Variants in ITPRID1 observed in about 807,000 individuals in gnomAD.
The protein encoded by ITPRID1 is ITPR interacting domain containing 1.
A neutral mutation model predicts 95.4 loss-of-function variants in ITPRID1; 96 were observed. That is an observed-to-expected ratio of 1.01 (90% CI 0.85 to 1.19). The LOEUF (loss-of-function observed/expected upper bound fraction) is 1.19. ITPRID1 is among the 50% of genes most tolerant of loss of function. The pLI is 0.00. For missense variants in ITPRID1, 1,339 were observed against 1,252.9 expected (o/e 1.07, Z -1.04); for synonymous variants, 510 against 453.6 (o/e 1.12, Z -1.58).
intron 1 of ITPRID1, among the ~76,000 whole-genome samples, chr7:31,534,223 A>G (rs1783689677): frequency 6.6e-6 from 1 of 152,164 alleles, no homozygotes. Flanking sequence ...AAGGTTGAGG[A>G]CTGCTGGTCT....
In ITPRID1 at chr7:31,628,461, C is replaced by CT. The variant is rs371083058; in HGVS notation, c.1229-13706dup. ...CAAGCGTGATTCCTTTTTTTTTTTT[C>CT]TTTTTTTTTCTTTTTTTGAGGAGTC... On this transcript the variant is annotated intron_variant, in intron 10 of 14. Transcript: ENST00000615280. 6.5e-3 allele frequency among the ~76,000 whole-genome samples: 910 copies of CT among 140,482 alleles called. 11 individuals are homozygous for CT. The highest frequency in any genetic ancestry group is 0.023 in the African/African-American group (834 of 36,892). 92.2% of individuals were successfully genotyped at this position (140,482 alleles called of 152,430 possible). A position where few individuals can be genotyped will look rare whatever the true frequency, so the allele number is the denominator to read the frequency against.
intron 10 of ITPRID1, among the ~76,000 whole-genome samples, chr7:31,619,724 C>T (rs546037064): frequency 1.9e-3 from 282 of 152,172 alleles, no homozygotes; most frequent in Non-Finnish European, 3.3e-3. Flanking sequence ...GGTACCAGTT[C>T]CATCTCACTA....
chr7:31,612,908 T>TGCCCCAGTTGGTATCACTGTCTCAG, intron 10 of ITPRID1, among the ~76,000 whole-genome samples: 1 of 152,198 alleles, frequency 6.6e-6, no homozygotes, highest in Admixed American at 6.5e-5. Context: ...TTTATTATTT[T>TGCCCCAGTTGGTATCACTGTCTCAG]GCCCCAGTTG....
At position 31,585,772 on chromosome 7, in the gene ITPRID1, T is replaced by C. The variant is rs185595359; in HGVS notation, c.1228+2581T>C. Among the ~76,000 whole-genome samples, 505 of 151,942 alleles carry C rather than the reference T, an allele frequency of 3.3e-3. 1 individual carries two copies. Among genetic ancestry groups the C allele is most frequent in the African/African-American group, 0.012 (483 of 41,372 alleles). ...ATTGTAAGATTTAGCAGTTCAAAAA[T>C]CAGAAGTTATTCAGAATAAATGTCC... is the stretch of plus-strand genomic sequence containing the variant. On this transcript the variant is annotated intron_variant, in intron 10 of 14. Transcript: ENST00000615280.
chr7:31,640,660 C>T (rs1009645699), intron 10 of ITPRID1, among the ~76,000 whole-genome samples: 2 of 150,530 alleles, frequency 1.3e-5, no homozygotes, highest in Non-Finnish European at 3.0e-5. Context: ...TTTTTTTCCA[C>T]ATATCTTGTC....
At chr7:31,582,885 C>G (rs1785454758) in intron 9 of ITPRID1, among the ~76,000 whole-genome samples, 1 of 152,038 alleles carries the variant, frequency 6.6e-6, no homozygotes, top group African/African-American at 2.4e-5. Flanking sequence ...AAATTTCTTT[C>G]AAATGCACAT....
Position 31,643,711 on chromosome 7 carries a change from A to G in ITPRID1, c.2341A>G (p.Lys781Glu). The change falls in exon 12 of 15, where the codon AAA (lysine) becomes GAA (glutamate). Residue 781 changes from lysine (K) to glutamate (E), a missense_variant. Coordinates refer to ENST00000615280, the MANE Select transcript of ITPRID1 (RefSeq NM_001257967.3). Reference protein sequence around the residue: ...TLTHGPQPLTKSVSLDSGFSS... With the variant: ...TLTHGPQPLTESVSLDSGFSS... ...GACACATGGGCCCCAGCCCCTCACC[A>G]AATCCGTCTCTCTAGACTCAGGCTT... 9 of 1,614,038 alleles carry G rather than the reference A, an allele frequency of 5.6e-6. No individual in the cohort carries two copies. Among genetic ancestry groups the G allele is most frequent in the Non-Finnish European group, 7.6e-6 (9 of 1,179,894 alleles).
intron 10 of ITPRID1, among the ~76,000 whole-genome samples, chr7:31,617,546 C>T (rs1196004216): frequency 1.3e-5 from 2 of 152,046 alleles, no homozygotes; most frequent in Admixed American, 6.5e-5. Flanking sequence ...AGAGTTCAGA[C>T]AAAATTATTT....
At chr7:31,656,567 C>T, downstream of ITPRID1, 3 of 745,194 alleles carry the variant, frequency 4.0e-6, no homozygotes, top group Non-Finnish European at 4.9e-6. Flanking sequence ...CAGAATATTA[C>T]CTACCGCTTG....
chr7:31,648,269 G>A (rs1790658740), intron 12 of ITPRID1, among the ~76,000 whole-genome samples: 2 of 152,098 alleles, frequency 1.3e-5, no homozygotes, highest in South Asian at 2.1e-4. Flanking sequence ...ATGGGTTTGG[G>A]TCAGTAGAGC....
intron 10 of ITPRID1, among the ~76,000 whole-genome samples, chr7:31,616,616 C>CTAA: frequency 6.6e-6 from 1 of 152,232 alleles, no homozygotes; most frequent in South Asian, 2.1e-4. Context: ...AATGTTATTT[C>CTAA]AGCTTTAGAA....
At chr7:31,628,245 T>C (rs1023845014) in intron 10 of ITPRID1, among the ~76,000 whole-genome samples, 10 of 152,078 alleles carry the variant, frequency 6.6e-5, no homozygotes, top group Non-Finnish European at 1.0e-4. Flanking sequence ...GTGCCTCCCA[T>C]TGATGGAACA....
chr7:31,577,980 A>C lies in ITPRID1; in HGVS notation c.716A>C (p.Gln239Pro). ...AEEKAGGESV[Q>P]RTSVSAAKEH... ...GAGAAAGCTGGAGGAGAGAGTGTGC[A>C]AAGAACCTCAGTGAGTGCCGCCAAA... The change falls in exon 9 of 15, where the codon CAA (glutamine) becomes CCA (proline). Residue 239 changes from glutamine (Q) to proline (P), a missense_variant. Transcript: ENST00000615280. 1 of 1,613,820 alleles carries C rather than the reference A, an allele frequency of 6.2e-7. No homozygotes were observed. The highest frequency in any genetic ancestry group is 8.5e-7 in the Non-Finnish European group (1 of 1,179,828).
chr7:31,593,272 C>G (rs1485616916), intron 10 of ITPRID1, among the ~76,000 whole-genome samples: 2 of 152,100 alleles, frequency 1.3e-5, no homozygotes, highest in Admixed American at 1.3e-4. Flanking sequence ...CCACTGCACT[C>G]CAGCCTGAGA....
chr7:31,638,769 T>C (rs2128205451), intron 10 of ITPRID1, among the ~76,000 whole-genome samples: 1 of 152,250 alleles, frequency 6.6e-6, no homozygotes, highest in East Asian at 1.9e-4. Flanking sequence ...TTTTCTTTCT[T>C]TTGTTTTTCG....
rs775394028 is a variant in ITPRID1, at chr7:31,652,006, C to T, written c.2779C>T (p.Gln927Ter). 3 of 1,605,242 alleles carry T rather than the reference C, an allele frequency of 1.9e-6. No homozygotes were observed. The highest frequency in any genetic ancestry group is 1.1e-5 in the South Asian group (1 of 88,710). Residue 927 changes from glutamine (Q) to a stop codon, truncating the protein, a stop_gained, in exon 14 of 15, where the codon CAG becomes TAG. Transcript: ENST00000615280. LOFTEE classifies it low-confidence loss of function (END_TRUNC). ...GCAGCAGGTGGCAGAGTTGGAATTTCAGTTAGGAGACCGGGCTCAGCAAAT... is the reference window on the plus strand; with the variant it reads ...GCAGCAGGTGGCAGAGTTGGAATTTTAGTTAGGAGACCGGGCTCAGCAAAT... ...LRQQVAELEF[Q>*]LGDRAQQIRE...
chr7:31,644,572 G>A (rs116805351), intron 12 of ITPRID1, among the ~76,000 whole-genome samples: 346 of 152,306 alleles, frequency 2.3e-3, no homozygotes, highest in African/African-American at 7.9e-3. Flanking sequence ...GTCAAATAGA[G>A]GGGCTTTTGG....
intron 1 of ITPRID1, among the ~76,000 whole-genome samples, chr7:31,546,010 T>C (rs1268444246): frequency 6.6e-6 from 1 of 152,108 alleles, no homozygotes; most frequent in Non-Finnish European, 1.5e-5. Context: ...TGACTACAAC[T>C]TTAAAATGTC....
intron 10 of ITPRID1, among the ~76,000 whole-genome samples, chr7:31,640,317 G>C (rs903695734): frequency 1.3e-5 from 2 of 152,138 alleles, no homozygotes; most frequent in African/African-American, 4.8e-5. Context: ...TCTCTTCCCA[G>C]CTTTTGGTGG....
Sources: allele counts gnomAD v4.1 joint callset (sites outside exome capture counted in the v4.1 genomes callset), GRCh38; gene constraint gnomAD v4.1.1; transcripts MANE v1.5; gene names NCBI Gene and HGNC (gene_info 2026-07-23, HGNC 2026-07-21).